The following SUSD6 variants were observed in gnomAD, a reference collection of about 807,000 sequenced individuals.
SUSD6 encodes sushi domain-containing protein 6.
In SUSD6, 16 loss-of-function variants were observed where a neutral mutation model predicts 28.4. That is an observed-to-expected ratio of 0.56 (90% confidence interval 0.38 to 0.86). SUSD6 has a LOEUF of 0.86. Among genes scored for constraint, SUSD6 ranks in the 40% least tolerant of loss-of-function variants. The pLI is 0.00. For missense variants in SUSD6, 341 were observed against 384.2 expected, an observed-to-expected ratio of 0.89 and a Z score of 0.94; for synonymous variants, 147 against 159.6, an observed-to-expected ratio of 0.92 and a Z score of 0.59.
At chr14:69,691,777 C>T (rs895020298) in intron 2 of SUSD6, among the ~76,000 whole-genome samples, 9 of 152,136 alleles carry the variant, frequency 5.9e-5, no homozygotes, top group Admixed American at 1.3e-4. Context: ...TGGTGGCTCA[C>T]GCCTGTAATC....
At chr14:69,682,740 C>T (rs1006709238) in intron 2 of SUSD6, among the ~76,000 whole-genome samples, 2 of 152,222 alleles carry the variant, frequency 1.3e-5, no homozygotes, top group East Asian at 3.9e-4. Context: ...CCCAGTGGCA[C>T]CTTGGGCAAT....
intron 1 of SUSD6, among the ~76,000 whole-genome samples, chr14:69,633,102 C>T (rs578054540): frequency 1.3e-5 from 2 of 152,286 alleles, no homozygotes; most frequent in South Asian, 4.1e-4. Context: ...TATTCTTGGT[C>T]CTCAAATATA....
At chr14:69,698,056 G>A (rs1408631047) in intron 2 of SUSD6, among the ~76,000 whole-genome samples, 3 of 152,254 alleles carry the variant, frequency 2.0e-5, no homozygotes, top group Non-Finnish European at 2.9e-5. Context: ...GGCTGGATGC[G>A]CTGGCTCACG....
intron 2 of SUSD6, among the ~76,000 whole-genome samples, chr14:69,672,733 G>T (rs1885852463): frequency 6.6e-6 from 1 of 152,220 alleles, no homozygotes; most frequent in South Asian, 2.1e-4. Flanking sequence ...GCTCAGGCCA[G>T]TTTTGCTGCA....
At chr14:69,653,472 A>G (rs971160047) in intron 1 of SUSD6, among the ~76,000 whole-genome samples, 1 of 152,198 alleles carries the variant, frequency 6.6e-6, no homozygotes, top group African/African-American at 2.4e-5. Context: ...CTTCATGACC[A>G]GCTCCCTGGC....
intron 1 of SUSD6, among the ~76,000 whole-genome samples, chr14:69,627,650 G>A (rs1450345734): frequency 6.6e-6 from 1 of 151,992 alleles, no homozygotes; most frequent in Non-Finnish European, 1.5e-5. Context: ...ATTTTTAGTA[G>A]AGATGGGGTT....
chr14:69,683,688 T>C (rs1886031030), intron 2 of SUSD6, among the ~76,000 whole-genome samples: 1 of 152,194 alleles, frequency 6.6e-6, no homozygotes, highest in Admixed American at 6.5e-5. Flanking sequence ...TGTGGAGACA[T>C]GCATAGCCAG....
At chr14:69,639,958 T>TTTTTTTG (rs1885325744) in intron 1 of SUSD6, among the ~76,000 whole-genome samples, 1 of 138,078 alleles carries the variant, frequency 7.2e-6, no homozygotes, top group Admixed American at 7.0e-5. Context: ...CCTACACTGT[T>TTTTTTTG]TTTTTTTTTT....
chr14:69,691,173 C>T (rs1886147675), intron 2 of SUSD6, among the ~76,000 whole-genome samples: 2 of 152,104 alleles, frequency 1.3e-5, no homozygotes, highest in African/African-American at 4.8e-5. Flanking sequence ...GAAACCCTGT[C>T]CTTACTAAAA....
At chr14:69,649,261 G>A (rs1885470151) in intron 1 of SUSD6, among the ~76,000 whole-genome samples, 1 of 152,156 alleles carries the variant, frequency 6.6e-6, no homozygotes, top group Admixed American at 6.5e-5. Context: ...GTAAATATTA[G>A]CTGAATTGCA....
At chr14:69,625,507 A>T (rs930999800) in intron 1 of SUSD6, among the ~76,000 whole-genome samples, 5 of 152,182 alleles carry the variant, frequency 3.3e-5, no homozygotes, top group African/African-American at 1.2e-4. Flanking sequence ...GGTGGCAGCA[A>T]ACCACGGAGG....
chr14:69,703,328 G>A (rs1886338502), intron 2 of SUSD6, 67 bp from the exon 3 acceptor site: 8 of 1,270,218 alleles, frequency 6.3e-6, no homozygotes, highest in Middle Eastern at 2.7e-4. Flanking sequence ...TCAGAGCTGC[G>A]TCACTGAGAG....
At chr14:69,651,946 G>A (rs993470225) in intron 1 of SUSD6, among the ~76,000 whole-genome samples, 2 of 152,122 alleles carry the variant, frequency 1.3e-5, no homozygotes, top group East Asian at 1.9e-4. Context: ...TGTAATTAGC[G>A]GGTTAATTTC....
At chr14:69,704,888 A>C in intron 4 of SUSD6, 146 bp downstream of exon 4, 1 of 757,068 alleles carries the variant, frequency 1.3e-6, no homozygotes. Context: ...CATGTGTCAA[A>C]CTCCTAGATG....
chr14:69,656,334 C>G (rs1000223973), intron 1 of SUSD6, among the ~76,000 whole-genome samples: 2 of 152,204 alleles, frequency 1.3e-5, no homozygotes, highest in South Asian at 2.1e-4. Context: ...TTTTTATACA[C>G]GTGCTGTGAT....
chr14:69,687,312 T>A (rs1886087903), intron 2 of SUSD6, among the ~76,000 whole-genome samples: 1 of 152,206 alleles, frequency 6.6e-6, no homozygotes, highest in South Asian at 2.1e-4. Context: ...GGTTTCGCCG[T>A]GTTGGCCAGG....
intron 1 of SUSD6, among the ~76,000 whole-genome samples, chr14:69,621,746 A>T (rs1291686145): frequency 6.6e-6 from 1 of 152,206 alleles, no homozygotes; most frequent in Non-Finnish European, 1.5e-5. Flanking sequence ...GTTCTCCACA[A>T]TTGAACTGTT....
intron 1 of SUSD6, among the ~76,000 whole-genome samples, chr14:69,622,436 G>A (rs1595030252): frequency 6.6e-6 from 1 of 152,092 alleles, no homozygotes; most frequent in South Asian, 2.1e-4. Flanking sequence ...CCAAAGTGCC[G>A]GGATTACAGG....
chr14:69,613,574 T>C (rs953451712), intron 1 of SUSD6, among the ~76,000 whole-genome samples: 4 of 152,262 alleles, frequency 2.6e-5, no homozygotes, highest in African/African-American at 9.6e-5. Flanking sequence ...CTGTGCTAGG[T>C]ATTGCAGGTA....
Sources: gnomAD v4.1 joint callset for allele counts (sites outside exome capture counted in the v4.1 genomes callset) on GRCh38, gnomAD v4.1.1 for gene constraint, MANE v1.5 for transcripts, NCBI Gene and HGNC (gene_info 2026-07-23, HGNC 2026-07-21) for gene names.